Variants in CACNA1C observed in about 807,000 individuals in gnomAD.
CACNA1C encodes voltage-dependent L-type calcium channel subunit alpha-1C.
CACNA1C carries 30 observed loss-of-function variants against 229.0 expected under a neutral mutation model. The ratio of observed to expected loss-of-function variants is 0.13; its 90% CI spans 0.10 to 0.18. The LOEUF (loss-of-function observed/expected upper bound fraction) is 0.18. CACNA1C is among the 10% of genes least tolerant of loss of function. CACNA1C has a pLI of 1.00. For synonymous variants in CACNA1C, 1,114 were observed against 1,132.5 expected, an observed-to-expected ratio of 0.98 and a Z score of 0.33; for missense variants, 1,658 against 2,845.0, an observed-to-expected ratio of 0.58 and a Z score of 9.49.
intron 3 of CACNA1C, among the ~76,000 whole-genome samples, chr12:2,340,664 A>C (rs1179332358): frequency 2.0e-5 from 3 of 152,216 alleles, no homozygotes; most frequent in Admixed American, 2.0e-4. Context: ...AGTTTCCTTG[A>C]AAAAAGACAC....
At chr12:2,540,763 G>A (rs1450516705) in intron 9 of CACNA1C, among the ~76,000 whole-genome samples, 1 of 152,232 alleles carries the variant, frequency 6.6e-6, no homozygotes, top group East Asian at 1.9e-4. Context: ...GCACGTTGAA[G>A]GATGGTGAGG....
intron 3 of CACNA1C, among the ~76,000 whole-genome samples, chr12:2,371,724 C>CTTTTTTTTTT (rs61627008): frequency 1.6e-5 from 2 of 129,016 alleles, no homozygotes; most frequent in African/African-American, 2.9e-5. Context: ...TGACATATGG[C>CTTTTTTTTTT]TTTTTTTTTT....
chr12:2,553,875 G>A lies in CACNA1C; in HGVS notation c.1482-3076G>A, dbSNP rs186248391. On this transcript the variant is annotated intron_variant, in intron 10 of 46. Coordinates refer to ENST00000399655, the MANE Select transcript of CACNA1C (RefSeq NM_000719.7). ...GAGCATCTGAGCTCAGCACCCAGGA[G>A]TGGAAGCAATTCTATGCCGTGCAAG... 7.0e-3 allele frequency among the ~76,000 whole-genome samples: 1,073 copies of A among 152,340 alleles called. 1 individual carries two copies. The highest frequency in any genetic ancestry group is 0.011 in the Non-Finnish European group (749 of 68,026).
At chr12:2,162,589 C>T (rs1654867826) in intron 3 of CACNA1C, among the ~76,000 whole-genome samples, 1 of 152,080 alleles carries the variant, frequency 6.6e-6, no homozygotes, top group Admixed American at 6.5e-5. Context: ...ACTCCTTCTA[C>T]AGGGAGACCT....
chr12:2,325,229 C>T (rs56986203), intron 3 of CACNA1C, among the ~76,000 whole-genome samples: 6,318 of 152,262 alleles, frequency 0.041, 450 homozygotes, highest in African/African-American at 0.14. Flanking sequence ...CAACCTCTGC[C>T]CACCATCCAT....
chr12:1,998,376 T>C (rs1447072526), intron 1 of CACNA1C, among the ~76,000 whole-genome samples: 2 of 152,228 alleles, frequency 1.3e-5, no homozygotes, highest in African/African-American at 4.8e-5. Context: ...TGCATTTCAC[T>C]ATCCTTCATT....
chr12:2,006,893 CTT>C (rs1346635940), intron 1 of CACNA1C, among the ~76,000 whole-genome samples: 3 of 152,162 alleles, frequency 2.0e-5, no homozygotes, highest in Non-Finnish European at 4.4e-5. Flanking sequence ...CTATTTGTGA[CTT>C]TGTAAATTGG....
chr12:2,548,918 A>G (rs145849634), intron 9 of CACNA1C, among the ~76,000 whole-genome samples: 376 of 152,314 alleles, frequency 2.5e-3, no homozygotes, highest in African/African-American at 8.5e-3. Context: ...TTCTGGAGGA[A>G]CAGCAGAACC....
At position 2,677,363 on chromosome 12, in the gene CACNA1C, C is replaced by A; in HGVS notation, c.4956+142C>A. On this transcript the variant is annotated intron_variant, in intron 40 of 46. Coordinates refer to ENST00000399655, the MANE Select transcript of CACNA1C (RefSeq NM_000719.7). This position sits in a 1 kb window ranked among gnomAD's most constrained non-coding sequence, Gnocchi z 7.4. ...CCTTTCAGAGAGCTCCAGACCTTTC[C>A]AAAGATGGCTGTGAGAAGGGGGTGA... The A allele has an allele frequency of 2.2e-6, 2 of 921,766 alleles. No individual in the cohort carries two copies. Among genetic ancestry groups the A allele is most frequent in the Non-Finnish European group, 1.6e-6 (1 of 628,384 alleles). The allele number at this position is 921,766 out of a possible 1,614,324, so 57.1% of individuals were successfully genotyped here.
Position 2,449,113 on chromosome 12 carries a change from G to A in CACNA1C, c.615G>A (p.Val205=), listed in dbSNP as rs747320984. The A allele has an allele frequency of 3.9e-6, 6 of 1,542,484 alleles. No homozygotes were observed. Among genetic ancestry groups the A allele is most frequent in the Non-Finnish European group, 4.4e-6 (5 of 1,143,354 alleles). ...TACTAGATTTTATAATTGTGGTTGTGGGGTAAGTATCACTGTCTGTTTCTT... is the reference window on the plus strand; with the variant it reads ...TACTAGATTTTATAATTGTGGTTGTAGGGTAAGTATCACTGTCTGTTTCTT... ...WNLLDFIIVV[V]GLFSAILEQA... The change falls in exon 4 of 47, where the codon GTG becomes GTA. Residue 205 remains valine (V), a splice_region_variant and synonymous_variant. Coordinates refer to ENST00000399655, the MANE Select transcript of CACNA1C (RefSeq NM_000719.7).
chr12:2,428,755 A>G (rs940150390), intron 3 of CACNA1C, among the ~76,000 whole-genome samples: 3 of 152,228 alleles, frequency 2.0e-5, no homozygotes, highest in Admixed American at 1.3e-4. Context: ...AGAGCTCATT[A>G]AAGTCAGAGG....
rs539024335 is a variant in CACNA1C, at chr12:2,586,676, A to G, written c.2530+772A>G. ...AGGTTAGGCTATATTTGGGTTGTTC[A>G]CCAAGTTAGGTGGCTGAGAACCTCC... On this transcript the variant is annotated intron_variant, in intron 18 of 46. Coordinates refer to ENST00000399655, the MANE Select transcript of CACNA1C (RefSeq NM_000719.7). 4.6e-5 allele frequency among the ~76,000 whole-genome samples: 7 copies of G among 152,328 alleles called. No homozygotes were observed. The South Asian group carries it at 1.5e-3, about 32-fold the overall frequency.
chr12:2,239,752 C>T (rs1184995106), intron 3 of CACNA1C, among the ~76,000 whole-genome samples: 3 of 152,176 alleles, frequency 2.0e-5, no homozygotes, highest in Non-Finnish European at 2.9e-5. Flanking sequence ...GCTGTGTGCC[C>T]GGCTACCATT....
intron 3 of CACNA1C, among the ~76,000 whole-genome samples, chr12:2,408,668 A>G (rs924481435): frequency 1.3e-5 from 2 of 152,098 alleles, no homozygotes; most frequent in Non-Finnish European, 2.9e-5. Flanking sequence ...TTTTGGTTGC[A>G]CTTAGTAGGG....
At chr12:2,475,545 A>G (rs1407803848) in intron 5 of CACNA1C, among the ~76,000 whole-genome samples, 2 of 152,242 alleles carry the variant, frequency 1.3e-5, no homozygotes, top group Admixed American at 6.5e-5. Flanking sequence ...AAAGAACCAA[A>G]TGTAAATTTT....
chr12:1,983,411 G>T lies in CACNA1C; in HGVS notation c.139+12210G>T, dbSNP rs555702523. ...TTTCCCTGTAAGTCCAACTTTGGTT[G>T]CAACTGAAATATTATAATTTTCATT... On this transcript the variant is annotated intron_variant, in intron 1 of 46. Transcript: ENST00000682462. Among the ~76,000 whole-genome samples, 16 of 151,992 alleles carry T rather than the reference G, an allele frequency of 1.1e-4. No individual in the cohort carries two copies. In the South Asian group the frequency reaches 3.1e-3, roughly 30 times the overall value.
At position 2,646,787 on chromosome 12, in the gene CACNA1C, A is replaced by AGT. The variant is rs1283504449; in HGVS notation, c.3913-1687_3913-1686insTG. On this transcript the variant is annotated intron_variant, in intron 30 of 46. Coordinates refer to ENST00000399655, the MANE Select transcript of CACNA1C (RefSeq NM_000719.7). The surrounding 1 kb of genome is among the most constrained non-coding windows in gnomAD (Gnocchi z 4.6). ...GAGAGAAAGAGAGAGAGAGAGAGAG[A>AGT]GAGTGTGTGTGTGCGCGTGTGTGTG... Among the ~76,000 whole-genome samples, 110 of 137,724 alleles carry AGT rather than the reference A, an allele frequency of 8.0e-4. 1 individual carries two copies. The highest frequency in any genetic ancestry group is 1.4e-3 in the Non-Finnish European group (89 of 64,138). 90.4% of individuals were successfully genotyped at this position (137,724 alleles called of 152,430 possible). A position where few individuals can be genotyped will look rare whatever the true frequency, so the allele number is the denominator to read the frequency against.
chr12:2,621,839 G>A (rs891436414), intron 29 of CACNA1C, among the ~76,000 whole-genome samples: 2 of 152,180 alleles, frequency 1.3e-5, no homozygotes, highest in African/African-American at 4.8e-5. Context: ...GTGAGAATGT[G>A]GGGATATATT....
chr12:2,448,315 G>T (rs1241242269), intron 3 of CACNA1C, among the ~76,000 whole-genome samples: 1 of 152,222 alleles, frequency 6.6e-6, no homozygotes, highest in Non-Finnish European at 1.5e-5. Flanking sequence ...CATCCGCAAA[G>T]TGCTGATTTT....
Sources: gnomAD v4.1 joint callset for allele counts (sites outside exome capture counted in the v4.1 genomes callset) on GRCh38, gnomAD v4.1.1 for gene constraint, Gnocchi (gnomAD v3.1) non-coding constraint, MANE v1.5 for transcripts, NCBI Gene and HGNC (gene_info 2026-07-23, HGNC 2026-07-21) for gene names.